DNMT1: variants seen among roughly 807,000 people sequenced by gnomAD.
The protein encoded by DNMT1 is DNA methyltransferase 1.
In DNMT1, 24 loss-of-function variants were observed where a neutral mutation model predicts 205.3. That is an observed-to-expected ratio of 0.12 (90% CI 0.08 to 0.16). DNMT1 has a LOEUF of 0.16. Ranked by LOEUF, DNMT1 falls within the 10% of genes least tolerant of loss-of-function variation. DNMT1 has a pLI of 1.00. For synonymous variants in DNMT1, 817 were observed against 839.8 expected (o/e 0.97, Z 0.47); for missense variants, 1,293 against 2,177.7 (o/e 0.59, Z 8.09).
intron 17 of DNMT1, among the ~76,000 whole-genome samples, chr19:10,157,044 A>T (rs2038470399): frequency 6.6e-6 from 1 of 152,222 alleles, no homozygotes; most frequent in Non-Finnish European, 1.5e-5. Context: ...CCAAAAGATC[A>T]GTCAGACTTA....
At chr19:10,177,253 C>A in intron 6 of DNMT1, 39 bp downstream of exon 6, 3 of 1,594,870 alleles carry the variant, frequency 1.9e-6, no homozygotes, top group Non-Finnish European at 2.6e-6. Flanking sequence ...AAACAGCCGG[C>A]CCCTAAAAAA....
At chr19:10,182,551 A>G (rs563748884) in intron 1 of DNMT1, among the ~76,000 whole-genome samples, 7 of 147,586 alleles carry the variant, frequency 4.7e-5, no homozygotes, top group African/African-American at 7.5e-5. Flanking sequence ...ACATATGTGT[A>G]TATATATATA....
chr19:10,138,426 G>C lies in DNMT1; in HGVS notation c.4115+13C>G, dbSNP rs369000824. On this transcript the variant is annotated intron_variant, in intron 35 of 40. Transcript: ENST00000359526. This position sits in a 1 kb window ranked among gnomAD's most constrained non-coding sequence, Gnocchi z 4.1. ...GCTCGGCAGTGTGTGGAGGAGCGAC[G>C]GGGGCCACCTACCTGGTTATGTTGC... is the stretch of plus-strand genomic sequence containing the variant. 1 of 1,613,620 alleles carries C rather than the reference G, an allele frequency of 6.2e-7. No individual in the cohort carries two copies. Among genetic ancestry groups the C allele is most frequent in the African/African-American group, 1.3e-5 (1 of 74,944 alleles).
intron 27 of DNMT1, among the ~76,000 whole-genome samples, chr19:10,148,116 C>CAAAAAAAAAAAAAAAAAAAAATAAA: frequency 1.7e-5 from 1 of 59,294 alleles, no homozygotes; most frequent in Non-Finnish European, 3.1e-5. Context: ...AACTCTGTCT[C>CAAAAAAAAAAAAAAAAAAAAATAAA]AAAAAAAAAA....
chr19:10,179,518 G>C (rs879678544), intron 5 of DNMT1, among the ~76,000 whole-genome samples: 24 of 152,072 alleles, frequency 1.6e-4, no homozygotes, highest in Non-Finnish European at 2.9e-4. Context: ...ACAGGCATGA[G>C]CCACCACACC....
At chr19:10,179,664 T>A (rs755186949) in intron 5 of DNMT1, among the ~76,000 whole-genome samples, 1 of 152,140 alleles carries the variant, frequency 6.6e-6, no homozygotes, top group Non-Finnish European at 1.5e-5. Flanking sequence ...TGCCCCCTTA[T>A]ATGCTACCAA....
intron 31 of DNMT1, 60 bp downstream of exon 31, chr19:10,141,045 C>T (rs1426806270): frequency 1.2e-6 from 2 of 1,612,988 alleles, no homozygotes; most frequent in Non-Finnish European, 1.7e-6. Context: ...CTGAGGGATT[C>T]ACAGGCAGCC....
Position 10,133,595 on chromosome 19 carries a change from A to G in DNMT1, c.*72T>C. The G allele has an allele frequency of 6.6e-7, 1 of 1,522,936 alleles. No homozygotes were observed. The highest frequency in any genetic ancestry group is 1.4e-5 in the African/African-American group (1 of 72,722). The allele number at this position is 1,522,936 out of a possible 1,614,324, so 94.3% of individuals were successfully genotyped here. On this transcript the variant is annotated 3_prime_UTR_variant, in exon 41 of 41. Coordinates refer to ENST00000359526, the MANE Select transcript of DNMT1 (RefSeq NM_001130823.3). This position sits in a 1 kb window ranked among gnomAD's most constrained non-coding sequence, Gnocchi z 4.1. The stretch of plus-strand genomic sequence containing the variant: ...CACACATGTGAACGGACAGATTGAC[A>G]TGTTAAAAACACAACATCAGTGCAT...
chr19:10,145,110 G>A (rs10412529), intron 28 of DNMT1, among the ~76,000 whole-genome samples: 2,815 of 152,312 alleles, frequency 0.018, 75 homozygotes, highest in African/African-American at 0.06. Context: ...AATGTAAGGC[G>A]CCACAGGGCC....
Position 10,146,659 on chromosome 19 carries a change from G to A in DNMT1, c.2721-135C>T, listed in dbSNP as rs748857160. 117 of 1,141,372 alleles carry A rather than the reference G, an allele frequency of 1.0e-4. No individual in the cohort carries two copies. Among genetic ancestry groups the A allele is most frequent in the Non-Finnish European group, 1.3e-4 (108 of 803,338 alleles). 70.7% of individuals were successfully genotyped at this position (1,141,372 alleles called of 1,614,324 possible). A position where few individuals can be genotyped will look rare whatever the true frequency, so the allele number is the denominator to read the frequency against. ...TTTGCAGATGCTAGAAGGAAGAGGT[G>A]GCTTTCTTGTGCTTTGTGTTGACAT... On this transcript the variant is annotated intron_variant, in intron 27 of 40. Transcript: ENST00000359526. The surrounding 1 kb of genome is among the most constrained non-coding windows in gnomAD (Gnocchi z 4.4).
rs1480359316 is a variant in DNMT1, at chr19:10,160,068, G to C, written c.1044-5C>G. On this transcript the variant is annotated splice_region_variant and splice_polypyrimidine_tract_variant and intron_variant, in intron 14 of 40. Coordinates refer to ENST00000359526, the MANE Select transcript of DNMT1 (RefSeq NM_001130823.3). ...CGAGCCATTTTTTTCTCCGTTCTGG[G>C]GGAAAAAAAAAAATCACAAGATCGT... 6.6e-7 allele frequency: 1 copy of C among 1,516,102 alleles called. No homozygotes were observed. The highest frequency in any genetic ancestry group is 8.8e-7 in the Non-Finnish European group (1 of 1,142,726). 93.9% of individuals were successfully genotyped at this position (1,516,102 alleles called of 1,614,324 possible). A position where few individuals can be genotyped will look rare whatever the true frequency, so the allele number is the denominator to read the frequency against.
Position 10,133,574 on chromosome 19 carries a change from C to A in DNMT1, c.*93G>T. The A allele has an allele frequency of 6.9e-7, 1 of 1,439,472 alleles. No individual in the cohort carries two copies. Among genetic ancestry groups the A allele is most frequent in the East Asian group, 2.5e-5 (1 of 40,502 alleles). 89.2% of individuals were successfully genotyped at this position (1,439,472 alleles called of 1,614,324 possible). ...AAGGCCACAAACACCATGTACCACA[C>A]ATGTGAACGGACAGATTGACATGTT... is the stretch of plus-strand genomic sequence containing the variant. On this transcript the variant is annotated 3_prime_UTR_variant, in exon 41 of 41. Transcript: ENST00000359526. This position sits in a 1 kb window ranked among gnomAD's most constrained non-coding sequence, Gnocchi z 4.1.
At chr19:10,153,839 G>A (rs1339850772) in intron 22 of DNMT1, among the ~76,000 whole-genome samples, 3 of 152,122 alleles carry the variant, frequency 2.0e-5, no homozygotes, top group African/African-American at 7.2e-5. Context: ...TATCAAAATA[G>A]TCCTGGTCTT....
Position 10,135,770 on chromosome 19 carries a change from CGGTA to C in DNMT1, c.4735_4738del (p.Tyr1579GlyfsTer45). The C allele has an allele frequency of 6.2e-7, 1 of 1,603,244 alleles. No individual in the cohort carries two copies. Among genetic ancestry groups the C allele is most frequent in the Non-Finnish European group, 8.5e-7 (1 of 1,176,244 alleles). On this transcript the variant is annotated frameshift_variant, in exon 39 of 41. Transcript: ENST00000359526. LOFTEE classifies it high-confidence loss of function. ...CTTGTCCAGGATGTTGCCGAAGAGC[CGGTA>C]GGTGTCAGGGAAGCCCTGGGAGCGG...
chr19:10,140,675 G>C lies in DNMT1; in HGVS notation c.3523+106C>G. On this transcript the variant is annotated intron_variant, in intron 32 of 40. Coordinates refer to ENST00000359526, the MANE Select transcript of DNMT1 (RefSeq NM_001130823.3). This position sits in a 1 kb window ranked among gnomAD's most constrained non-coding sequence, Gnocchi z 8.4. ...GCGCCACCGTGCCTGGCCTCGGAAG[G>C]AGATTCTTGAGTCAGGAAGGTGACC... 1 of 1,594,962 alleles carries C rather than the reference G, an allele frequency of 6.3e-7. No homozygotes were observed. The highest frequency in any genetic ancestry group is 8.6e-7 in the Non-Finnish European group (1 of 1,165,080).
In DNMT1 at chr19:10,149,343, AAAAAAAAAACC is replaced by A. The variant is rs369570643; in HGVS notation, c.2586+99_2586+109del. 8.0e-4 allele frequency: 1,002 copies of A among 1,257,822 alleles called. 15 individuals carry two copies. The African/African-American group carries it at 9.7e-3, about 12-fold the overall frequency. The allele number at this position is 1,257,822 out of a possible 1,614,324, so 77.9% of individuals were successfully genotyped here. On this transcript the variant is annotated intron_variant, in intron 26 of 40. Coordinates refer to ENST00000359526, the MANE Select transcript of DNMT1 (RefSeq NM_001130823.3). ...TCAGTCTCAAAACAAAAAAAAAAAC[AAAAAAAAAACC>A]AAATTAAAAAAAAATACAAATCAAA...
chr19:10,162,527 C>T (rs1267125246), intron 13 of DNMT1, 140 bp downstream of exon 13: 2 of 857,580 alleles, frequency 2.3e-6, no homozygotes, highest in Non-Finnish European at 3.6e-6. Context: ...GCTTCAGCCT[C>T]TCAAAGTGCT....
Position 10,146,465 on chromosome 19 carries a change from A to G in DNMT1, c.2780T>C (p.Leu927Pro), listed in dbSNP as rs777323413. 6.2e-7 allele frequency: 1 copy of G among 1,614,152 alleles called. No individual in the cohort carries two copies. The highest frequency in any genetic ancestry group is 8.5e-7 in the Non-Finnish European group (1 of 1,180,024). The change falls in exon 28 of 41, where the codon CTG becomes CCG. Residue 927 changes from leucine (L) to proline (P), a missense_variant. By Grantham distance (98) the Leu-to-Pro change is moderately conservative. This residue lies in a region of DNMT1 where 112 missense variants were observed against 116.6 expected (regional missense o/e 0.96). Transcript: ENST00000359526. This position sits in a 1 kb window ranked among gnomAD's most constrained non-coding sequence, Gnocchi z 4.4. ...EMRQKEIPRVLEQLEDLDSRV... is the reference protein window; with the variant it reads ...EMRQKEIPRVPEQLEDLDSRV... ...GCTATCCAGGTCCTCGAGCTGCTCC[A>G]GGACCCTGGGGATTTCTTTTTGCCT...
chr19:10,139,951 G>C (rs1206265900), intron 33 of DNMT1, 95 bp downstream of exon 33: 1 of 1,595,498 alleles, frequency 6.3e-7, no homozygotes, highest in Non-Finnish European at 8.5e-7. Context: ...GCTTCCGGGG[G>C]GCAGAGGCCT....
Sources: allele counts gnomAD v4.1 joint callset (sites outside exome capture counted in the v4.1 genomes callset), GRCh38; gene constraint gnomAD v4.1.1; regional missense constraint gnomAD v4.1.1; non-coding constraint Gnocchi (gnomAD v3.1); transcripts MANE v1.5; gene names NCBI Gene and HGNC (gene_info 2026-07-23, HGNC 2026-07-21).